Variants in UNC5D observed in about 807,000 individuals in gnomAD.
UNC5D encodes the protein unc-5 netrin receptor D, also known as netrin receptor UNC5D.
In UNC5D, 39 loss-of-function variants were observed where a neutral mutation model predicts 105.4. The ratio of observed to expected loss-of-function variants is 0.37; its 90% CI spans 0.29 to 0.48. The LOEUF is 0.48. Among genes scored for constraint, UNC5D ranks in the 20% least tolerant of loss-of-function variants. The pLI is 0.98. For missense variants in UNC5D, 991 were observed against 1,202.4 expected (o/e 0.82, Z 2.60); for synonymous variants, 452 against 450.4 (o/e 1.00, Z -0.04).
At chr8:35,422,877 G>A (rs1184746347) in intron 1 of UNC5D, among the ~76,000 whole-genome samples, 1 of 152,156 alleles carries the variant, frequency 6.6e-6, no homozygotes, top group African/African-American at 2.4e-5. Context: ...TAGTCTATGT[G>A]TAGTTACAGT....
chr8:35,634,286 C>T (rs941578541), intron 4 of UNC5D, among the ~76,000 whole-genome samples: 1 of 152,188 alleles, frequency 6.6e-6, no homozygotes, highest in East Asian at 1.9e-4. Context: ...GTAAGCACGG[C>T]ACACGCATTT....
At position 35,686,699 on chromosome 8, in the gene UNC5D, T is replaced by C; in HGVS notation, c.1074T>C (p.Leu358=). The C allele has an allele frequency of 6.3e-7, 1 of 1,594,638 alleles. No individual in the cohort carries two copies. The highest frequency in any genetic ancestry group is 8.5e-7 in the Non-Finnish European group (1 of 1,172,586). The change falls in exon 7 of 17, where the codon CTT becomes CTC. Residue 358 remains leucine, a synonymous_variant. Transcript: ENST00000404895. ...AATCTGAAAACTGCACAGATGGTCT[T>C]TGCATCCTAGGTAACACTTTTGCTT... is the stretch of plus-strand genomic sequence containing the variant. ...SQESENCTDG[L]CILDKKPLHE... is the part of the protein sequence containing the mutation.
At chr8:35,381,358 G>A (rs1803032359) in intron 1 of UNC5D, among the ~76,000 whole-genome samples, 1 of 152,118 alleles carries the variant, frequency 6.6e-6, no homozygotes, top group South Asian at 2.1e-4. Flanking sequence ...AATCCTAGGT[G>A]ATTTATAACC....
intron 10 of UNC5D, 128 bp from the exon 11 acceptor site, chr8:35,730,884 G>T (rs1829155134): frequency 1.4e-6 from 1 of 739,056 alleles, no homozygotes; most frequent in Middle Eastern, 2.7e-4. Flanking sequence ...AACTTTCCAA[G>T]GATTGAGATT....
intron 10 of UNC5D, chr8:35,727,065 G>C (rs1369529715): frequency 1.3e-5 from 2 of 155,040 alleles, no homozygotes; most frequent in Non-Finnish European, 2.9e-5. Context: ...TTAAACTTCA[G>C]TTCCAGGGCT....
intron 1 of UNC5D, chr8:35,525,442 C>T: frequency 6.2e-7 from 1 of 1,612,194 alleles, no homozygotes; most frequent in Non-Finnish European, 8.5e-7. Context: ...AGAGAGACAC[C>T]AGCACTGATT....
At chr8:35,683,442 AT>A in intron 4 of UNC5D, 104 bp from the exon 5 acceptor site, 1 of 1,170,608 alleles carries the variant, frequency 8.5e-7, no homozygotes, top group South Asian at 1.7e-5. Context: ...GTTGCTCTAT[AT>A]TTTAGATACA....
intron 1 of UNC5D, among the ~76,000 whole-genome samples, chr8:35,490,190 A>G (rs999031271): frequency 1.3e-5 from 2 of 152,112 alleles, no homozygotes; most frequent in African/African-American, 4.8e-5. Context: ...AAGTACAGAA[A>G]TGTCTTCTTT....
At chr8:35,291,633 C>A (rs1167495856) in intron 1 of UNC5D, among the ~76,000 whole-genome samples, 1 of 152,148 alleles carries the variant, frequency 6.6e-6, no homozygotes, top group Admixed American at 6.5e-5. Context: ...CTTCTTGGGG[C>A]TGTTTCTTTA....
intron 1 of UNC5D, among the ~76,000 whole-genome samples, chr8:35,456,866 T>A (rs1489409820): frequency 6.6e-6 from 1 of 152,224 alleles, no homozygotes; most frequent in Non-Finnish European, 1.5e-5. Flanking sequence ...ACGATGGATA[T>A]TGGACTGTTT....
Position 35,235,929 on chromosome 8 carries a change from G to A in UNC5D, c.103+42G>A, listed in dbSNP as rs1802425855. The A allele has an allele frequency of 5.7e-6, 7 of 1,221,568 alleles. No homozygotes were observed. In the African/African-American group the frequency reaches 6.2e-5, roughly 11 times the overall value. The allele number at this position is 1,221,568 out of a possible 1,614,324, so 75.7% of individuals were successfully genotyped here. A position where few individuals can be genotyped will look rare whatever the true frequency, so the allele number is the denominator to read the frequency against. ...GCGGGCAGCTGGGGGCGAGGGCGCA[G>A]GGGCGCCAGCCTGACGGAGCGGGAC... On this transcript the variant is annotated intron_variant, in intron 1 of 16. Coordinates refer to ENST00000404895, the MANE Select transcript of UNC5D (RefSeq NM_080872.4).
In UNC5D at chr8:35,305,383, G is replaced by T. The variant is rs548995354; in HGVS notation, c.103+69496G>T. Among the ~76,000 whole-genome samples, 319 of 151,878 alleles carry T rather than the reference G, an allele frequency of 2.1e-3. 1 individual carries two copies. Among genetic ancestry groups the T allele is most frequent in the Admixed American group, 4.9e-3 (75 of 15,228 alleles). On this transcript the variant is annotated intron_variant, in intron 1 of 16. Coordinates refer to ENST00000404895, the MANE Select transcript of UNC5D (RefSeq NM_080872.4). ...AGATTCTCTAAAATTAAATAGATGG[G>T]GTTCAAAAAACAGAGAGACCATCTA...
intron 1 of UNC5D, among the ~76,000 whole-genome samples, chr8:35,384,549 G>A (rs1459519952): frequency 6.6e-6 from 1 of 152,148 alleles, no homozygotes; most frequent in African/African-American, 2.4e-5. Flanking sequence ...GAACTTCACT[G>A]TTCATTCCCC....
At chr8:35,529,480 T>C (rs1301707984) in intron 1 of UNC5D, among the ~76,000 whole-genome samples, 1 of 146,604 alleles carries the variant, frequency 6.8e-6, no homozygotes, top group African/African-American at 2.6e-5. Context: ...AGTCAGGTAG[T>C]GTGATGCCTC....
intron 4 of UNC5D, among the ~76,000 whole-genome samples, chr8:35,643,384 T>G (rs1822868725): frequency 6.6e-6 from 1 of 152,154 alleles, no homozygotes; most frequent in Admixed American, 6.5e-5. Context: ...TTTGGTGATC[T>G]CGGCTTACTG....
rs964132333 is a variant in UNC5D at position 35,753,010 on chromosome 8, A to G, written c.2163+2201A>G. Among the ~76,000 whole-genome samples the G allele has an allele frequency of 2.0e-5, 3 of 152,180 alleles. No homozygotes were observed. The East Asian group carries it at 5.8e-4, about 29-fold the overall frequency. ...TAGTCTCCCAGCTGATGTATATAGCAGTGAGATAGACATGTACTTAAAGAG... is the reference window on the plus strand; with the variant it reads ...TAGTCTCCCAGCTGATGTATATAGCGGTGAGATAGACATGTACTTAAAGAG... On this transcript the variant is annotated intron_variant, in intron 13 of 16. Coordinates refer to ENST00000404895, the MANE Select transcript of UNC5D (RefSeq NM_080872.4).
chr8:35,616,473 G>A (rs1317063045), intron 4 of UNC5D, among the ~76,000 whole-genome samples: 9 of 152,132 alleles, frequency 5.9e-5, no homozygotes, highest in African/African-American at 4.8e-5. Context: ...TGTGATTCCC[G>A]GTCTGAGCTC....
chr8:35,561,693 A>G (rs192586076), intron 2 of UNC5D, among the ~76,000 whole-genome samples: 1 of 152,320 alleles, frequency 6.6e-6, no homozygotes, highest in East Asian at 1.9e-4. Flanking sequence ...AGATATTCTT[A>G]TAAGATGAGG....
At chr8:35,592,137 AT>A (rs1475630241) in intron 3 of UNC5D, among the ~76,000 whole-genome samples, 18 of 152,128 alleles carry the variant, frequency 1.2e-4, no homozygotes, top group Admixed American at 6.6e-5. Flanking sequence ...CTGTCTCCAT[AT>A]TTATTTATAT....
Sources: allele counts gnomAD v4.1 joint callset (sites outside exome capture counted in the v4.1 genomes callset), GRCh38; gene constraint gnomAD v4.1.1; transcripts MANE v1.5; gene names NCBI Gene and HGNC (gene_info 2026-07-23, HGNC 2026-07-21).